The following PCDHA8 variants were observed in gnomAD, a reference collection of about 807,000 sequenced individuals.
PCDHA8 encodes protocadherin alpha-8.
A neutral mutation model predicts 61.8 loss-of-function variants in PCDHA8; 53 were observed. The ratio of observed to expected loss-of-function variants is 0.86; its 90% confidence interval spans 0.69 to 1.08. The LOEUF (loss-of-function observed/expected upper bound fraction) is 1.08. Ranked by LOEUF, PCDHA8 falls within the 50% of genes least tolerant of loss-of-function variation. The pLI, the probability that PCDHA8 is intolerant of heterozygous loss-of-function variation, is 0.00. For synonymous variants in PCDHA8, 618 were observed against 556.6 expected (o/e 1.11, Z -1.55); for missense variants, 1,293 against 1,245.0 (o/e 1.04, Z -0.58).
At chr5:141,008,512 C>A (rs1006553111) in intron 3 of PCDHA8, among the ~76,000 whole-genome samples, 2 of 152,094 alleles carry the variant, frequency 1.3e-5, no homozygotes, top group Non-Finnish European at 2.9e-5. Context: ...GGTGTGTCTT[C>A]CAATCAGACT....
chr5:140,965,229 C>A (rs1554227498), intron 1 of PCDHA8, among the ~76,000 whole-genome samples: 1 of 152,124 alleles, frequency 6.6e-6, no homozygotes, highest in Non-Finnish European at 1.5e-5. Context: ...AATGTGAGAA[C>A]CTGGGAAGAG....
At chr5:140,850,202 G>A in intron 1 of PCDHA8, 3 of 1,593,648 alleles carry the variant, frequency 1.9e-6, no homozygotes, top group Non-Finnish European at 2.6e-6. Flanking sequence ...TGACACCTCG[G>A]ATGAGGGGCA....
chr5:140,896,137 G>A (rs547993953), intron 1 of PCDHA8, among the ~76,000 whole-genome samples: 16 of 152,260 alleles, frequency 1.1e-4, no homozygotes, highest in African/African-American at 3.1e-4. Flanking sequence ...TTTATCCAGT[G>A]CACCATTGAT....
rs545893416 is a variant in PCDHA8, at chr5:140,934,382, A to G, written c.2395-44567A>G. On this transcript the variant is annotated intron_variant, in intron 1 of 3. Transcript: ENST00000531613. ...CTGCTTTGACTCCTTCTGTGGTTCT[A>G]TGGTGGCCAGCTTTACCCACCAATG... Among the ~76,000 whole-genome samples the G allele has an allele frequency of 2.0e-3, 310 of 152,264 alleles. 8 individuals are homozygous for G. Among genetic ancestry groups the G allele is most frequent in the South Asian group, 3.9e-3 (19 of 4,830 alleles).
chr5:141,009,999 G>A lies in PCDHA8; in HGVS notation c.*62G>A. 1 of 1,575,110 alleles carries A rather than the reference G, an allele frequency of 6.3e-7. No individual in the cohort carries two copies. The highest frequency in any genetic ancestry group is 1.2e-5 in the South Asian group (1 of 82,646). On this transcript the variant is annotated 3_prime_UTR_variant, in exon 4 of 4. Coordinates refer to ENST00000531613, the MANE Select transcript of PCDHA8 (RefSeq NM_018911.3). ...TGTAATAATGGCAAATCTCTCCCAT[G>A]TAGCAATTCCCTGCTCCTTTTTCCT...
At position 140,882,079 on chromosome 5, in the gene PCDHA8, G is replaced by C. The variant is rs2058940272; in HGVS notation, c.2394+38364G>C. 3.1e-6 allele frequency: 3 copies of C among 952,854 alleles called. No homozygotes were observed. In the East Asian group the frequency reaches 7.8e-5, roughly 25 times the overall value. The allele number at this position is 952,854 out of a possible 1,614,324, so 59.0% of individuals were successfully genotyped here. A position where few individuals can be genotyped will look rare whatever the true frequency, so the allele number is the denominator to read the frequency against. On this transcript the variant is annotated intron_variant, in intron 1 of 3. Transcript: ENST00000531613. ...CTTACACGTTCATGCGCATGGTGTCGCTCTTCACTGAGAACGTTTCCGCGA... is the reference window on the plus strand; with the variant it reads ...CTTACACGTTCATGCGCATGGTGTCCCTCTTCACTGAGAACGTTTCCGCGA...
At chr5:140,880,688 A>T (rs1033069078) in intron 1 of PCDHA8, among the ~76,000 whole-genome samples, 2 of 152,224 alleles carry the variant, frequency 1.3e-5, no homozygotes, top group East Asian at 3.8e-4. Flanking sequence ...GAGAATAGTC[A>T]TGGTTAAGTG....
intron 1 of PCDHA8, chr5:140,857,971 G>A: frequency 6.3e-7 from 1 of 1,596,806 alleles, no homozygotes; most frequent in Non-Finnish European, 8.6e-7. Flanking sequence ...AGACTGACTC[G>A]CCACGCCAGC....
intron 1 of PCDHA8, among the ~76,000 whole-genome samples, chr5:140,916,133 G>A (rs2077446110): frequency 6.6e-6 from 1 of 152,114 alleles, no homozygotes; most frequent in Non-Finnish European, 1.5e-5. Flanking sequence ...AAGCTTAAGG[G>A]CTGTTCAGTT....
chr5:140,942,641 G>T (rs1198552335), intron 1 of PCDHA8, among the ~76,000 whole-genome samples: 1 of 151,754 alleles, frequency 6.6e-6, no homozygotes, highest in African/African-American at 2.4e-5. Flanking sequence ...TGGCAAAAGA[G>T]ATCTCATTCA....
At chr5:140,875,292 T>C in intron 1 of PCDHA8, 1 of 1,401,900 alleles carries the variant, frequency 7.1e-7, no homozygotes, top group Non-Finnish European at 9.3e-7. Context: ...ACAGGAAAAT[T>C]TTTTTCTCCG....
rs149731120 is a variant in PCDHA8 at position 140,857,612 on chromosome 5, C to T, written c.2394+13897C>T. On this transcript the variant is annotated intron_variant, in intron 1 of 3. Coordinates refer to ENST00000531613, the MANE Select transcript of PCDHA8 (RefSeq NM_018911.3). ...CGGCAAGGTGTACGCGCTGCAGCCGCTGGACCACGAGGAGCTGGAGCTGCT... is the reference window on the plus strand; with the variant it reads ...CGGCAAGGTGTACGCGCTGCAGCCGTTGGACCACGAGGAGCTGGAGCTGCT... 1.6e-4 allele frequency: 263 copies of T among 1,596,592 alleles called. 14 individuals carry two copies. Among genetic ancestry groups the T allele is most frequent in the African/African-American group, 1.5e-3 (115 of 74,450 alleles).
At chr5:140,855,106 T>C (rs1554147619) in intron 1 of PCDHA8, among the ~76,000 whole-genome samples, 1 of 149,974 alleles carries the variant, frequency 6.7e-6, no homozygotes, top group Non-Finnish European at 1.5e-5. Flanking sequence ...GTAGCAATAA[T>C]TAAGGCATTC....
At chr5:140,903,690 T>C (rs2070508211) in intron 1 of PCDHA8, among the ~76,000 whole-genome samples, 1 of 152,224 alleles carries the variant, frequency 6.6e-6, no homozygotes, top group African/African-American at 2.4e-5. Context: ...TGGTAAATAG[T>C]TTAAAATAGT....
Position 140,850,461 on chromosome 5 carries a change from G to T in PCDHA8, c.2394+6746G>T. Reference sequence around the variant, plus strand: ...ACTGGTGCTGGTGAAAGACCACGGGGAGCCAGCGCTGACGGCCACGGCCAC... The same window carrying T: ...ACTGGTGCTGGTGAAAGACCACGGGTAGCCAGCGCTGACGGCCACGGCCAC... On this transcript the variant is annotated intron_variant, in intron 1 of 3. Transcript: ENST00000531613. The T allele has an allele frequency of 1.9e-6, 3 of 1,598,002 alleles. No individual in the cohort carries two copies. The East Asian group carries it at 6.7e-5, about 36-fold the overall frequency.
intron 1 of PCDHA8, chr5:140,857,181 C>CAGG (rs782645351): frequency 1.3e-6 from 2 of 1,598,372 alleles, no homozygotes; most frequent in African/African-American, 2.7e-5. Context: ...GACCATGATT[C>CAGG]AGGAGCCAAC....
chr5:140,876,807 G>A (rs782408048), intron 1 of PCDHA8: 1 of 1,614,234 alleles, frequency 6.2e-7, no homozygotes, highest in South Asian at 1.1e-5. Context: ...CCGTGGAGGT[G>A]GCCGACGTGA....
intron 1 of PCDHA8, chr5:140,862,954 T>C (rs781926222): frequency 1.5e-5 from 8 of 542,620 alleles, no homozygotes; most frequent in Non-Finnish European, 2.2e-5. Flanking sequence ...TGGTGCGGTA[T>C]TCAGTGGATG....
intron 1 of PCDHA8, among the ~76,000 whole-genome samples, chr5:140,918,108 A>G (rs1283760333): frequency 2.6e-5 from 4 of 152,166 alleles, no homozygotes; most frequent in Non-Finnish European, 5.9e-5. Context: ...GATCTTTCAC[A>G]TCCTTGATTA....
Sources: gnomAD v4.1 joint callset for allele counts (sites outside exome capture counted in the v4.1 genomes callset) on GRCh38, gnomAD v4.1.1 for gene constraint, MANE v1.5 for transcripts, NCBI Gene and HGNC (gene_info 2026-07-23, HGNC 2026-07-21) for gene names.